The following PARD3B variants were observed in gnomAD, a reference collection of about 807,000 sequenced individuals.
PARD3B encodes the protein partitioning defective 3 homolog B.
A neutral mutation model predicts 130.2 loss-of-function variants in PARD3B; 103 were observed. The ratio of observed to expected loss-of-function variants is 0.79; its 90% CI spans 0.67 to 0.93. The LOEUF is 0.93. PARD3B is among the 40% of genes least tolerant of loss of function. The pLI is 0.00. For missense variants in PARD3B, 1,609 were observed against 1,499.2 expected, an observed-to-expected ratio of 1.07 and a Z score of -1.21; for synonymous variants, 583 against 553.2, an observed-to-expected ratio of 1.05 and a Z score of -0.76.
chr2:205,184,550 G>C (rs1303636935), intron 13 of PARD3B, among the ~76,000 whole-genome samples: 1 of 152,034 alleles, frequency 6.6e-6, no homozygotes, highest in African/African-American at 2.4e-5. Context: ...AGACCATCCT[G>C]GCTAACACGG....
intron 2 of PARD3B, among the ~76,000 whole-genome samples, chr2:204,758,614 A>G (rs1436809721): frequency 1.3e-5 from 2 of 152,194 alleles, no homozygotes; most frequent in Non-Finnish European, 2.9e-5. Flanking sequence ...TTCTCCAGGT[A>G]TGAGTATATT....
intron 21 of PARD3B, among the ~76,000 whole-genome samples, chr2:205,545,798 CTTT>C (rs2106473087): frequency 6.6e-6 from 1 of 152,158 alleles, no homozygotes; most frequent in East Asian, 1.9e-4. Flanking sequence ...GTAATTTATT[CTTT>C]TATTTTCAAT....
chr2:205,509,344 C>T (rs1329692927), intron 21 of PARD3B, among the ~76,000 whole-genome samples: 1 of 152,154 alleles, frequency 6.6e-6, no homozygotes, highest in African/African-American at 2.4e-5. Flanking sequence ...AGGGAGCTAT[C>T]TAACCCCCTC....
chr2:204,674,928 A>G (rs1325943689), intron 1 of PARD3B, among the ~76,000 whole-genome samples: 2 of 152,214 alleles, frequency 1.3e-5, no homozygotes, highest in Non-Finnish European at 2.9e-5. Context: ...GCATTCTCAA[A>G]TTTATTCTTA....
chr2:205,212,374 A>G (rs867645379), intron 15 of PARD3B, among the ~76,000 whole-genome samples: 4 of 152,096 alleles, frequency 2.6e-5, no homozygotes, highest in Middle Eastern at 3.2e-3. Flanking sequence ...CATTTCCCAA[A>G]CTCATTTGAT....
chr2:204,547,404 A>G (rs940178364), intron 1 of PARD3B, among the ~76,000 whole-genome samples: 12 of 152,120 alleles, frequency 7.9e-5, no homozygotes, highest in Admixed American at 4.6e-4. Context: ...TTACTGATGG[A>G]ATTGAGGTGG....
intron 21 of PARD3B, among the ~76,000 whole-genome samples, chr2:205,529,929 G>C (rs1190838257): frequency 1.3e-5 from 2 of 152,106 alleles, no homozygotes; most frequent in African/African-American, 4.8e-5. Flanking sequence ...TGTGGACTTA[G>C]AGCAATTACC....
intron 15 of PARD3B, among the ~76,000 whole-genome samples, chr2:205,209,853 G>GT (rs2125845689): frequency 6.6e-6 from 1 of 152,068 alleles, no homozygotes; most frequent in Non-Finnish European, 1.5e-5. Flanking sequence ...GTATGACAGA[G>GT]TGACTATAGT....
intron 1 of PARD3B, among the ~76,000 whole-genome samples, chr2:204,636,703 G>A (rs1250666268): frequency 6.6e-6 from 1 of 151,970 alleles, no homozygotes; most frequent in Non-Finnish European, 1.5e-5. Context: ...TGGTTTCACA[G>A]CCTTAGATTA....
At chr2:205,169,014 CT>C (rs2034996796) in intron 11 of PARD3B, among the ~76,000 whole-genome samples, 1 of 152,182 alleles carries the variant, frequency 6.6e-6, no homozygotes, top group Admixed American at 6.5e-5. Flanking sequence ...TTCTCATCCT[CT>C]TTGGGCATCC....
At chr2:205,212,939 C>G (rs930908221) in intron 15 of PARD3B, among the ~76,000 whole-genome samples, 1 of 152,086 alleles carries the variant, frequency 6.6e-6, no homozygotes, top group Non-Finnish European at 1.5e-5. Context: ...TTTTTTTGCA[C>G]AGCAATTCCA....
chr2:204,826,755 C>T (rs943638340), intron 2 of PARD3B, among the ~76,000 whole-genome samples: 2 of 152,082 alleles, frequency 1.3e-5, no homozygotes, highest in East Asian at 1.9e-4. Flanking sequence ...CATGGTGGCT[C>T]ATGCTTGTAA....
intron 1 of PARD3B, among the ~76,000 whole-genome samples, chr2:204,562,041 A>T (rs2031350020): frequency 6.6e-6 from 1 of 152,036 alleles, no homozygotes; most frequent in Non-Finnish European, 1.5e-5. Flanking sequence ...TGCCTGCATG[A>T]CTCAGTATCT....
intron 1 of PARD3B, among the ~76,000 whole-genome samples, chr2:204,662,677 C>G (rs2035863519): frequency 6.6e-6 from 1 of 152,032 alleles, no homozygotes; most frequent in South Asian, 2.1e-4. Context: ...GGTTACAGAC[C>G]TTGAGTGAAA....
At chr2:205,511,060 A>G (rs117408128) in intron 21 of PARD3B, among the ~76,000 whole-genome samples, 2 of 152,340 alleles carry the variant, frequency 1.3e-5, no homozygotes, top group East Asian at 1.9e-4. Flanking sequence ...AGATGTTTGA[A>G]AGAAAGAAAA....
At chr2:204,667,552 C>T (rs1325350006) in intron 1 of PARD3B, among the ~76,000 whole-genome samples, 1 of 152,134 alleles carries the variant, frequency 6.6e-6, no homozygotes, top group East Asian at 1.9e-4. Flanking sequence ...AAGGCAAATA[C>T]TGAACTTGAC....
At chr2:205,052,987 G>A (rs1231369716) in intron 4 of PARD3B, among the ~76,000 whole-genome samples, 1 of 152,144 alleles carries the variant, frequency 6.6e-6, no homozygotes, top group Non-Finnish European at 1.5e-5. Flanking sequence ...GAGACAAGAA[G>A]GGAAAATACA....
At chr2:204,989,731 T>C (rs1028379754) in intron 3 of PARD3B, among the ~76,000 whole-genome samples, 2 of 152,180 alleles carry the variant, frequency 1.3e-5, no homozygotes, top group African/African-American at 2.4e-5. Flanking sequence ...TTTCTGTACC[T>C]TTTTCTCCTT....
intron 16 of PARD3B, among the ~76,000 whole-genome samples, chr2:205,271,391 A>C (rs2040718452): frequency 6.6e-6 from 1 of 152,202 alleles, no homozygotes; most frequent in Non-Finnish European, 1.5e-5. Flanking sequence ...GAAGGATTTT[A>C]TTCACTGATA....
Sources: gnomAD v4.1 joint callset for allele counts (sites outside exome capture counted in the v4.1 genomes callset) on GRCh38, gnomAD v4.1.1 for gene constraint, MANE v1.5 for transcripts, NCBI Gene and HGNC (gene_info 2026-07-23, HGNC 2026-07-21) for gene names.